The following SGCZ variants were observed in gnomAD, a reference collection of about 807,000 sequenced individuals.
The protein encoded by SGCZ is zeta-sarcoglycan.
In SGCZ, 40 loss-of-function variants were observed where a neutral mutation model predicts 41.3. The ratio of observed to expected loss-of-function variants is 0.97; its 90% CI spans 0.75 to 1.26. SGCZ has a LOEUF of 1.26. Among genes scored for constraint, SGCZ ranks in the 50% most tolerant of loss-of-function variants. SGCZ has a pLI of 0.00. For synonymous variants in SGCZ, 206 were observed against 137.5 expected, an observed-to-expected ratio of 1.50 and a Z score of -3.49; for missense variants, 552 against 369.8, an observed-to-expected ratio of 1.49 and a Z score of -4.04.
At chr8:14,591,820 C>G (rs1311562480) in intron 1 of SGCZ, among the ~76,000 whole-genome samples, 3 of 152,136 alleles carry the variant, frequency 2.0e-5, no homozygotes, top group Non-Finnish European at 2.9e-5. Context: ...GTCAGCATGT[C>G]TCTTCTGATA....
intron 1 of SGCZ, among the ~76,000 whole-genome samples, chr8:15,133,141 T>C (rs747917452): frequency 7.3e-5 from 10 of 137,254 alleles, no homozygotes; most frequent in Non-Finnish European, 1.3e-4. Context: ...ATACCCTGTC[T>C]CAAAATATAT....
chr8:14,947,461 G>C (rs761323793), intron 1 of SGCZ, among the ~76,000 whole-genome samples: 1 of 152,086 alleles, frequency 6.6e-6, no homozygotes, highest in Non-Finnish European at 1.5e-5. Context: ...ACATAAAAGC[G>C]CTCAGTCTCT....
intron 1 of SGCZ, among the ~76,000 whole-genome samples, chr8:14,767,246 T>G (rs911865086): frequency 1.3e-5 from 2 of 152,136 alleles, no homozygotes; most frequent in African/African-American, 2.4e-5. Context: ...CCCCTCACAA[T>G]TCCCCTGAAG....
chr8:14,368,112 G>T (rs1232810118), intron 2 of SGCZ, among the ~76,000 whole-genome samples: 1 of 151,946 alleles, frequency 6.6e-6, no homozygotes, highest in Non-Finnish European at 1.5e-5. Flanking sequence ...TTTTTTAAAT[G>T]TGTACACTGG....
intron 1 of SGCZ, among the ~76,000 whole-genome samples, chr8:14,751,520 T>A (rs1000804): frequency 0.4 from 61,043 of 151,980 alleles, 12,411 homozygotes; most frequent in Non-Finnish European, 0.42. Context: ...ATGGATATAA[T>A]ATATACAACA....
intron 3 of SGCZ, among the ~76,000 whole-genome samples, chr8:14,254,899 G>A (rs1541771): frequency 0.66 from 99,876 of 151,610 alleles, 33,176 homozygotes; most frequent in South Asian, 0.8. Context: ...ACAATTCAGT[G>A]ACTATGAATT....
At chr8:14,600,621 GC>G (rs1200243699) in intron 1 of SGCZ, among the ~76,000 whole-genome samples, 5 of 152,126 alleles carry the variant, frequency 3.3e-5, no homozygotes, top group Admixed American at 3.3e-4. Flanking sequence ...AACAGGTGCT[GC>G]ACCCAGGAAT....
chr8:15,137,358 C>T (rs75221049), intron 1 of SGCZ, among the ~76,000 whole-genome samples: 235 of 152,300 alleles, frequency 1.5e-3, no homozygotes, highest in African/African-American at 4.9e-3. Context: ...ACCCCATTTT[C>T]TGGGGAGAAA....
At chr8:14,288,644 T>G (rs1227056039) in intron 3 of SGCZ, among the ~76,000 whole-genome samples, 1 of 152,172 alleles carries the variant, frequency 6.6e-6, no homozygotes, top group Non-Finnish European at 1.5e-5. Flanking sequence ...TTAATAATAC[T>G]CCATTATATG....
intron 4 of SGCZ, among the ~76,000 whole-genome samples, chr8:14,229,033 C>T (rs1224463813): frequency 6.6e-6 from 1 of 152,030 alleles, no homozygotes; most frequent in Non-Finnish European, 1.5e-5. Context: ...GCATAGGGTA[C>T]TTGGAAAGAG....
At chr8:14,494,926 T>G (rs932580777) in intron 2 of SGCZ, among the ~76,000 whole-genome samples, 1 of 152,212 alleles carries the variant, frequency 6.6e-6, no homozygotes, top group African/African-American at 2.4e-5. Flanking sequence ...CTTGCTGCCC[T>G]AAATATTGTT....
chr8:14,505,925 C>T (rs1409896510), intron 2 of SGCZ, among the ~76,000 whole-genome samples: 1 of 152,146 alleles, frequency 6.6e-6, no homozygotes, highest in Admixed American at 6.6e-5. Flanking sequence ...GCTAACTGTT[C>T]AGGATGGTCC....
chr8:15,084,699 C>T (rs182783915), intron 1 of SGCZ, among the ~76,000 whole-genome samples: 606 of 152,156 alleles, frequency 4.0e-3, no homozygotes, highest in Non-Finnish European at 7.0e-3. Flanking sequence ...TTGCAGTGAG[C>T]CAAGATCATG....
At chr8:14,479,731 CTTTTTTTTTTTTTTT>C (rs529812029) in intron 2 of SGCZ, among the ~76,000 whole-genome samples, 8 of 52,978 alleles carry the variant, frequency 1.5e-4, no homozygotes, top group African/African-American at 4.0e-4. Flanking sequence ...AATTCTACTT[CTTTTTTTTTTTTTTT>C]TTTTTTTTTT....
intron 5 of SGCZ, among the ~76,000 whole-genome samples, chr8:14,122,454 G>C (rs1359718525): frequency 2.6e-5 from 4 of 152,104 alleles, no homozygotes; most frequent in Admixed American, 2.6e-4. Flanking sequence ...TGTGCACAGA[G>C]ATGTAGCTAC....
chr8:14,551,473 TTA>T (rs1433818053), intron 2 of SGCZ, among the ~76,000 whole-genome samples: 1 of 11,534 alleles, frequency 8.7e-5, no homozygotes, highest in African/African-American at 3.1e-4. Context: ...ATTATATATA[TTA>T]TATATTATAT....
At chr8:14,695,146 A>C (rs1035845226) in intron 1 of SGCZ, among the ~76,000 whole-genome samples, 1 of 152,138 alleles carries the variant, frequency 6.6e-6, no homozygotes, top group South Asian at 2.1e-4. Flanking sequence ...TCTTAGTTGC[A>C]ATGGGAGTTA....
At chr8:14,895,404 T>C (rs1288699600) in intron 1 of SGCZ, among the ~76,000 whole-genome samples, 1 of 152,128 alleles carries the variant, frequency 6.6e-6, no homozygotes, top group African/African-American at 2.4e-5. Flanking sequence ...TGCACATCTG[T>C]GTGTGTTTTT....
chr8:14,536,506 A>G (rs575511816), intron 2 of SGCZ, among the ~76,000 whole-genome samples: 17 of 151,934 alleles, frequency 1.1e-4, no homozygotes, highest in Non-Finnish European at 1.9e-4. Context: ...TTTCCTTAGC[A>G]TATAGAAATT....
Sources: gnomAD v4.1 joint callset for allele counts (sites outside exome capture counted in the v4.1 genomes callset) on GRCh38, gnomAD v4.1.1 for gene constraint, MANE v1.5 for transcripts, NCBI Gene and HGNC (gene_info 2026-07-23, HGNC 2026-07-21) for gene names.